FSAF1: variants seen among roughly 807,000 people sequenced by gnomAD.
The protein encoded by FSAF1 is 40S small subunit processome assembly factor 1, also known as uncharacterized protein C1orf131.
the FSAF1 span, chr1:231,224,606 G>A: frequency 1.9e-6 from 1 of 532,466 alleles, no homozygotes; most frequent in Admixed American, 3.7e-5. Flanking sequence ...CCCTTGCACT[G>A]GTTTCTTCTG....
the FSAF1 span, among the ~76,000 whole-genome samples, chr1:231,240,611 G>A: frequency 2.0e-5 from 3 of 152,102 alleles, no homozygotes; most frequent in Non-Finnish European, 4.4e-5. This position sits in a 1 kb window ranked among gnomAD's most constrained non-coding sequence, Gnocchi z 4.1. Context: ...CAAGGATGAA[G>A]CTGGTGTATT....
At chr1:231,226,889 C>T in the FSAF1 span, 1 of 1,592,916 alleles carries the variant, frequency 6.3e-7, no homozygotes, top group Non-Finnish European at 8.6e-7. Context: ...TCCAGTGTCC[C>T]TTGCCCTGAC....
At chr1:231,235,093 C>CA in the FSAF1 span, among the ~76,000 whole-genome samples, 1 of 152,192 alleles carries the variant, frequency 6.6e-6, no homozygotes, top group Non-Finnish European at 1.5e-5. Flanking sequence ...TTCACTGCTC[C>CA]ATCTGCAAGG....
chr1:231,226,509 A>C, the FSAF1 span: 4 of 581,558 alleles, frequency 6.9e-6, no homozygotes, highest in Non-Finnish European at 1.2e-5. Context: ...AGCAACAAAA[A>C]CGGACTAAGA....
At chr1:231,226,842 A>C in the FSAF1 span, 1 of 1,596,416 alleles carries the variant, frequency 6.3e-7, no homozygotes, top group Non-Finnish European at 8.6e-7. Flanking sequence ...TGAAAGAACA[A>C]AGAAACAAAC....
the FSAF1 span, chr1:231,226,598 A>T: frequency 1.3e-6 from 1 of 773,258 alleles, no homozygotes; most frequent in East Asian, 2.5e-5. Flanking sequence ...AACAGAGCTA[A>T]CTCGAAGAAA....
At chr1:231,224,694 C>G in the FSAF1 span, 1 of 375,036 alleles carries the variant, frequency 2.7e-6, no homozygotes, top group South Asian at 7.3e-5. Flanking sequence ...GTCACCTCCT[C>G]AGACTAATTT....
the FSAF1 span, among the ~76,000 whole-genome samples, chr1:231,227,274 T>C: frequency 6.6e-6 from 1 of 152,186 alleles, no homozygotes; most frequent in African/African-American, 2.4e-5. Context: ...TCCTGTTTTT[T>C]TTCCTTTGAG....
the FSAF1 span, chr1:231,236,578 C>T: frequency 6.6e-6 from 1 of 152,152 alleles, no homozygotes; most frequent in East Asian, 1.9e-4. Flanking sequence ...GAAATGCAGA[C>T]TCATTCAATC....
chr1:231,239,690 C>T, the FSAF1 span, among the ~76,000 whole-genome samples: 3 of 152,228 alleles, frequency 2.0e-5, no homozygotes, highest in Admixed American at 6.5e-5. Flanking sequence ...GAAGCTCTGA[C>T]CAGTCACCTG....
chr1:231,225,543 T>C, the FSAF1 span: 1 of 1,601,896 alleles, frequency 6.2e-7, no homozygotes, highest in Non-Finnish European at 8.6e-7. Context: ...GAATTTAAGA[T>C]CATATACATA....
the FSAF1 span, chr1:231,225,583 A>C: frequency 2.7e-6 from 4 of 1,481,424 alleles, no homozygotes; most frequent in Non-Finnish European, 3.8e-6. Context: ...TTCAAACAAA[A>C]GGCAAGAGGT....
the FSAF1 span, among the ~76,000 whole-genome samples, chr1:231,230,551 G>A: frequency 6.6e-6 from 1 of 152,176 alleles, no homozygotes; most frequent in East Asian, 1.9e-4. Context: ...ACGGCACCAT[G>A]TGCCATTGAC....
chr1:231,234,718 A>G, the FSAF1 span, among the ~76,000 whole-genome samples: 1 of 152,162 alleles, frequency 6.6e-6, no homozygotes, highest in Non-Finnish European at 1.5e-5. The surrounding 1 kb of genome is among the most constrained non-coding windows in gnomAD (Gnocchi z 4.0). Context: ...TGCCTATGAG[A>G]CCTGGCAAGG....
the FSAF1 span, among the ~76,000 whole-genome samples, chr1:231,233,010 C>A: frequency 6.6e-6 from 1 of 152,154 alleles, no homozygotes; most frequent in Non-Finnish European, 1.5e-5. Context: ...TCCTAACACC[C>A]ATCTGACACT....
chr1:231,232,844 A>G, the FSAF1 span, among the ~76,000 whole-genome samples: 2 of 152,208 alleles, frequency 1.3e-5, no homozygotes, highest in Non-Finnish European at 2.9e-5. Flanking sequence ...TTCTTTTTTA[A>G]TCTATTAGTT....
chr1:231,239,177 C>T, the FSAF1 span: 2 of 1,561,432 alleles, frequency 1.3e-6, no homozygotes, highest in African/African-American at 2.8e-5. Context: ...TCTGTTTCAC[C>T]TTCTGTACCT....
chr1:231,224,245 T>C, the FSAF1 span: 2 of 1,594,386 alleles, frequency 1.3e-6, no homozygotes, highest in African/African-American at 1.3e-5. Flanking sequence ...GTTGACTCAG[T>C]TGTTCCCATC....
chr1:231,225,866 G>T, the FSAF1 span: 1 of 298,304 alleles, frequency 3.4e-6, no homozygotes, highest in Non-Finnish European at 6.5e-6. Context: ...GCTATTCCAG[G>T]TAAGACTAAT....
Sources: allele counts gnomAD v4.1 joint callset (sites outside exome capture counted in the v4.1 genomes callset), GRCh38; gene constraint gnomAD v4.1.1; non-coding constraint Gnocchi (gnomAD v3.1); transcripts MANE v1.5; gene names NCBI Gene and HGNC (gene_info 2026-07-23, HGNC 2026-07-21).